Variants in PKP4 observed in about 807,000 individuals in gnomAD.
PKP4 encodes plakophilin-4.
Under a neutral mutation model 145.1 loss-of-function variants are expected in PKP4, and 90 were observed. The observed-to-expected ratio is 0.62, with a 90% CI of 0.52 to 0.74. The LOEUF is 0.74. PKP4 is among the 30% of genes least tolerant of loss of function. The pLI is 0.00. For synonymous variants in PKP4, 563 were observed against 577.2 expected (o/e 0.98, Z 0.35); for missense variants, 1,340 against 1,482.7 (o/e 0.90, Z 1.58).
At chr2:158,468,871 C>T (rs1199553282) in intron 1 of PKP4, among the ~76,000 whole-genome samples, 1 of 144,566 alleles carries the variant, frequency 6.9e-6, no homozygotes, top group Non-Finnish European at 1.5e-5. Context: ...AATTCCTGAG[C>T]TCAAGGGACC....
intron 9 of PKP4, 143 bp downstream of exon 9, chr2:158,634,432 G>A: frequency 8.4e-6 from 5 of 598,332 alleles, no homozygotes; most frequent in Non-Finnish European, 5.9e-6. Flanking sequence ...ACTTCCAGTT[G>A]TATTCCAGCT....
intron 1 of PKP4, among the ~76,000 whole-genome samples, chr2:158,522,512 T>A (rs1255940104): frequency 6.6e-6 from 1 of 152,158 alleles, no homozygotes; most frequent in African/African-American, 2.4e-5. Flanking sequence ...ATAAAGATTG[T>A]GATGAAAATG....
intron 7 of PKP4, among the ~76,000 whole-genome samples, chr2:158,631,084 C>T (rs2053310757): frequency 6.6e-6 from 1 of 151,944 alleles, no homozygotes; most frequent in Non-Finnish European, 1.5e-5. Flanking sequence ...ACTATAGGCT[C>T]CCGCCACCAC....
rs144529384 is a variant in PKP4 at position 158,477,348 on chromosome 2, G to A, written c.-6+20130G>A. 1.8e-3 allele frequency among the ~76,000 whole-genome samples: 271 copies of A among 152,170 alleles called. 2 individuals carry two copies. Among genetic ancestry groups the A allele is most frequent in the African/African-American group, 6.2e-3 (259 of 41,524 alleles). On this transcript the variant is annotated intron_variant, in intron 1 of 21. Transcript: ENST00000389759. ...TTGTTTCCCATCAGCTTATCTAGCC[G>A]GAAATATCAGACTTTGCTTCTCCTC... is the stretch of plus-strand genomic sequence containing the variant.
Position 158,634,213 on chromosome 2 carries a change from AG to A in PKP4, c.1488del (p.Arg496SerfsTer18). 1 of 1,614,142 alleles carries A rather than the reference AG, an allele frequency of 6.2e-7. No homozygotes were observed. Among genetic ancestry groups the A allele is most frequent in the Non-Finnish European group, 8.5e-7 (1 of 1,180,012 alleles). ...CCGAGTGCAAGAGTGCAATTATAAC[AG>A]GCTTCAGCATGCAGTGCCGGCTGAT... ...QYRVQECNYN[R>X]LQHAVPADDG... On this transcript the variant is annotated frameshift_variant, in exon 9 of 22. Transcript: ENST00000389759. LOFTEE classifies it high-confidence loss of function.
intron 1 of PKP4, among the ~76,000 whole-genome samples, chr2:158,459,567 A>C (rs1385570273): frequency 6.6e-6 from 1 of 152,160 alleles, no homozygotes; most frequent in Non-Finnish European, 1.5e-5. Flanking sequence ...TGAATCTTCT[A>C]ATTTAGAGGT....
intron 2 of PKP4, among the ~76,000 whole-genome samples, chr2:158,563,346 C>G (rs1201079245): frequency 2.6e-5 from 4 of 152,118 alleles, no homozygotes; most frequent in Non-Finnish European, 5.9e-5. Context: ...TACAGGCATC[C>G]AGTCCCATTT....
At position 158,680,131 on chromosome 2, in the gene PKP4, C is replaced by T. The variant is rs553382208; in HGVS notation, c.3331-298C>T. Among the ~76,000 whole-genome samples the T allele has an allele frequency of 2.6e-5, 4 of 152,294 alleles. No homozygotes were observed. In the South Asian group the frequency reaches 8.3e-4, roughly 32 times the overall value. On this transcript the variant is annotated intron_variant, in intron 21 of 21. Transcript: ENST00000389759. ...ACAGCTGAGCACACAGCAGGGCCTC[C>T]AGTAAAGAGGGGAGGTTTCTGGGGC... is the stretch of plus-strand genomic sequence containing the variant.
intron 1 of PKP4, among the ~76,000 whole-genome samples, chr2:158,462,064 G>A (rs932135650): frequency 3.3e-5 from 5 of 152,286 alleles, no homozygotes; most frequent in African/African-American, 9.6e-5. Flanking sequence ...GGCCTGGCCC[G>A]AAACTTGGAA....
chr2:158,608,817 T>C (rs1289431976), intron 4 of PKP4, among the ~76,000 whole-genome samples: 2 of 137,084 alleles, frequency 1.5e-5, no homozygotes, highest in African/African-American at 5.5e-5. Context: ...TCTTTTTTTT[T>C]TTTTTTTTTT....
chr2:158,483,883 G>A (rs1209880908), intron 1 of PKP4, among the ~76,000 whole-genome samples: 4 of 152,220 alleles, frequency 2.6e-5, no homozygotes, highest in African/African-American at 7.2e-5. Context: ...CCAAAGTATT[G>A]TTAAAACTGC....
chr2:158,461,409 T>C (rs1475507468), intron 1 of PKP4, among the ~76,000 whole-genome samples: 1 of 152,184 alleles, frequency 6.6e-6, no homozygotes, highest in East Asian at 1.9e-4. Context: ...TTGATAACAT[T>C]ATAGTTTATT....
At chr2:158,626,144 A>T (rs963098849) in intron 7 of PKP4, among the ~76,000 whole-genome samples, 1 of 152,220 alleles carries the variant, frequency 6.6e-6, no homozygotes, top group Admixed American at 6.5e-5. Context: ...TTAAAACTAT[A>T]TGGGAAAATA....
intron 6 of PKP4, among the ~76,000 whole-genome samples, chr2:158,623,617 CA>C (rs780504208): frequency 5.9e-5 from 9 of 152,196 alleles, no homozygotes; most frequent in Non-Finnish European, 1.3e-4. Flanking sequence ...TGAACTTGAA[CA>C]CACAGTGAGT....
At chr2:158,587,563 T>A (rs1287943586) in intron 3 of PKP4, among the ~76,000 whole-genome samples, 1 of 152,042 alleles carries the variant, frequency 6.6e-6, no homozygotes, top group Non-Finnish European at 1.5e-5. Context: ...ACATTTACCA[T>A]CTCATAAAAG....
rs79136538 is a variant in PKP4 at position 158,499,073 on chromosome 2, G to T, written c.-5-34107G>T. 5.0e-3 allele frequency among the ~76,000 whole-genome samples: 761 copies of T among 152,284 alleles called. 5 individuals carry two copies. The highest frequency in any genetic ancestry group is 0.018 in the African/African-American group (732 of 41,554). On this transcript the variant is annotated intron_variant, in intron 1 of 21. Transcript: ENST00000389759. ...CGGTAAAATACCCTCCAATGAGAGA[G>T]CCTGCGGTAGGGGTGCCTTCAGTGG...
At chr2:158,592,633 A>C (rs1009168707) in intron 3 of PKP4, among the ~76,000 whole-genome samples, 30 of 152,262 alleles carry the variant, frequency 2.0e-4, no homozygotes, top group African/African-American at 7.2e-4. Flanking sequence ...TTTACTCTGG[A>C]TAATTAGTAG....
chr2:158,621,447 G>GCAAAGAAAT, intron 6 of PKP4, 26 bp downstream of exon 6: 1 of 1,598,526 alleles, frequency 6.3e-7, no homozygotes, highest in African/African-American at 1.3e-5. Context: ...CAAGATCTCT[G>GCAAAGAAAT]CAAAGAAATA....
At chr2:158,468,756 C>A (rs369198279) in intron 1 of PKP4, among the ~76,000 whole-genome samples, 1 of 127,434 alleles carries the variant, frequency 7.8e-6, no homozygotes. Context: ...TAGACATTTT[C>A]TTTTCTTCTT....
Sources: allele counts gnomAD v4.1 joint callset (sites outside exome capture counted in the v4.1 genomes callset), GRCh38; gene constraint gnomAD v4.1.1; transcripts MANE v1.5; gene names NCBI Gene and HGNC (gene_info 2026-07-23, HGNC 2026-07-21).